AK5: variants seen among roughly 807,000 people sequenced by gnomAD.
AK5 encodes the protein adenylate kinase isoenzyme 5.
A neutral mutation model predicts 69.5 loss-of-function variants in AK5; 27 were observed. The ratio of observed to expected loss-of-function variants is 0.39; its 90% CI spans 0.29 to 0.54. AK5 has a LOEUF of 0.54. Among genes scored for constraint, AK5 ranks in the 20% least tolerant of loss-of-function variants. AK5 has a pLI of 0.71. For missense variants in AK5, 531 were observed against 700.4 expected (o/e 0.76, Z 2.73); for synonymous variants, 260 against 244.4 (o/e 1.06, Z -0.60).
At chr1:77,372,072 A>G (rs1647131859) in intron 6 of AK5, among the ~76,000 whole-genome samples, 2 of 152,220 alleles carry the variant, frequency 1.3e-5, no homozygotes, top group South Asian at 4.1e-4. Context: ...ATGTGCTGTT[A>G]GCATGTCCTT....
chr1:77,296,328 T>C (rs757587031), intron 3 of AK5, among the ~76,000 whole-genome samples: 1 of 152,110 alleles, frequency 6.6e-6, no homozygotes, highest in Non-Finnish European at 1.5e-5. Context: ...GTTTTAGAGA[T>C]AAGTGAACAG....
chr1:77,454,300 C>T (rs1448297772), intron 8 of AK5, among the ~76,000 whole-genome samples: 1 of 151,028 alleles, frequency 6.6e-6, no homozygotes, highest in African/African-American at 2.5e-5. Context: ...TGGCTCATTC[C>T]ACTCCCCTCA....
chr1:77,421,219 T>A (rs1000138164), intron 8 of AK5, among the ~76,000 whole-genome samples: 2 of 152,208 alleles, frequency 1.3e-5, no homozygotes, highest in African/African-American at 4.8e-5. Context: ...GTGTGCTTCA[T>A]ATTTATTACC....
At chr1:77,369,619 T>A (rs576444458) in intron 6 of AK5, among the ~76,000 whole-genome samples, 1 of 152,174 alleles carries the variant, frequency 6.6e-6, no homozygotes, top group South Asian at 2.1e-4. Flanking sequence ...CCTCTTTATA[T>A]AATCCGAAGA....
At chr1:77,384,177 C>T (rs1429328895) in intron 6 of AK5, among the ~76,000 whole-genome samples, 1 of 152,112 alleles carries the variant, frequency 6.6e-6, no homozygotes, top group African/African-American at 2.4e-5. Flanking sequence ...CTCAAACGTG[C>T]AGTACCACCT....
chr1:77,555,617 G>A (rs1047128018), intron 13 of AK5, among the ~76,000 whole-genome samples: 1 of 152,164 alleles, frequency 6.6e-6, no homozygotes, highest in Non-Finnish European at 1.5e-5. Context: ...TCATTGATAG[G>A]ATTACTTTGG....
chr1:77,408,742 A>G (rs1325014912), intron 6 of AK5, among the ~76,000 whole-genome samples: 1 of 151,880 alleles, frequency 6.6e-6, no homozygotes, highest in East Asian at 1.9e-4. Flanking sequence ...TTTGTTTGTC[A>G]TGTTATCTAT....
intron 1 of AK5, among the ~76,000 whole-genome samples, chr1:77,285,340 G>A (rs1157958946): frequency 6.6e-6 from 1 of 151,816 alleles, no homozygotes; most frequent in Non-Finnish European, 1.5e-5. Flanking sequence ...TTGGATGCCC[G>A]GGTAATTTTT....
Position 77,340,462 on chromosome 1 carries a change from G to A in AK5, c.785G>A (p.Gly262Asp). Residue 262 changes from glycine to aspartate, a missense_variant, in exon 6 of 14, where the codon GGC (glycine) becomes GAC (aspartate). Gly to Asp is a moderately conservative substitution (Grantham distance 94). Transcript: ENST00000354567. ...TTACTGAAGCGTGCAGAACAGCAGG[G>A]CCGACCAGACGACAATGTAAAAGCT... ...ERLLKRAEQQGRPDDNVKATQ... is the reference protein window; with the variant it reads ...ERLLKRAEQQDRPDDNVKATQ... 6.2e-7 allele frequency: 1 copy of A among 1,614,120 alleles called. No homozygotes were observed. Among genetic ancestry groups the A allele is most frequent in the Non-Finnish European group, 8.5e-7 (1 of 1,179,974 alleles).
chr1:77,305,692 T>A (rs575458260), intron 5 of AK5, among the ~76,000 whole-genome samples: 16 of 152,278 alleles, frequency 1.1e-4, no homozygotes, highest in African/African-American at 3.8e-4. Flanking sequence ...TTGTGTTTGA[T>A]TGGTCTATGT....
In AK5 at chr1:77,357,295, G is replaced by A. The variant is rs191614951; in HGVS notation, c.891+16727G>A. Among the ~76,000 whole-genome samples the A allele has an allele frequency of 5.3e-5, 8 of 152,236 alleles. 1 individual carries two copies. In the East Asian group the frequency reaches 1.5e-3, roughly 29 times the overall value. On this transcript the variant is annotated intron_variant, in intron 6 of 13. Transcript: ENST00000354567. Reference sequence around the variant, plus strand: ...CACAAAGACAAGGGTTTGAATTCTGGCAAGTCTCTTAATCTCTCTAAGATG... The same window carrying A: ...CACAAAGACAAGGGTTTGAATTCTGACAAGTCTCTTAATCTCTCTAAGATG...
At chr1:77,539,547 A>T (rs1167280321) in intron 13 of AK5, among the ~76,000 whole-genome samples, 2 of 152,096 alleles carry the variant, frequency 1.3e-5, no homozygotes, top group Admixed American at 1.3e-4. Context: ...GCATAGAAAC[A>T]GTGTGTGCTG....
chr1:77,381,883 G>A (rs1647659577), intron 6 of AK5, among the ~76,000 whole-genome samples: 3 of 152,176 alleles, frequency 2.0e-5, no homozygotes, highest in Admixed American at 6.5e-5. Flanking sequence ...AAGGATGCTA[G>A]ATAGCATTAA....
chr1:77,339,290 C>G (rs1661526374), intron 5 of AK5, among the ~76,000 whole-genome samples: 1 of 152,198 alleles, frequency 6.6e-6, no homozygotes, highest in South Asian at 2.1e-4. Context: ...TGCAAACTGT[C>G]TTTTTGCCTC....
intron 6 of AK5, among the ~76,000 whole-genome samples, chr1:77,375,253 T>TA (rs34374541): frequency 0.89 from 134,901 of 152,208 alleles, 59,836 homozygotes; most frequent in Non-Finnish European, 0.92. Context: ...ATCATCAACC[T>TA]AAGCAGGAAT....
intron 8 of AK5, among the ~76,000 whole-genome samples, chr1:77,455,872 G>T (rs1557605856): frequency 6.6e-6 from 1 of 152,190 alleles, no homozygotes; most frequent in Non-Finnish European, 1.5e-5. Context: ...GAGACCCACT[G>T]TAACTAGCTA....
chr1:77,328,009 G>T (rs1032866281), intron 5 of AK5, among the ~76,000 whole-genome samples: 1 of 152,106 alleles, frequency 6.6e-6, no homozygotes, highest in African/African-American at 2.4e-5. Flanking sequence ...AGCCCATCTA[G>T]TCTCAGTCTA....
rs552508489 is a variant in AK5, at chr1:77,375,374, G to A, written c.891+34806G>A. On this transcript the variant is annotated intron_variant, in intron 6 of 13. Coordinates refer to ENST00000354567, the MANE Select transcript of AK5 (RefSeq NM_174858.3). The stretch of plus-strand genomic sequence containing the variant: ...ATCAGAAAGAGTGTCACATTCTGCA[G>A]TAAATGCAGGAAAAGGACATCGGGG... 3.3e-5 allele frequency among the ~76,000 whole-genome samples: 5 copies of A among 152,224 alleles called. No homozygotes were observed. The East Asian group carries it at 5.8e-4, about 18-fold the overall frequency.
At chr1:77,382,980 A>C (rs571013868) in intron 6 of AK5, among the ~76,000 whole-genome samples, 1 of 152,336 alleles carries the variant, frequency 6.6e-6, no homozygotes, top group Admixed American at 6.5e-5. Context: ...CAAAGAGAAC[A>C]AATGAATATG....
Sources: allele counts gnomAD v4.1 joint callset (sites outside exome capture counted in the v4.1 genomes callset), GRCh38; gene constraint gnomAD v4.1.1; transcripts MANE v1.5; gene names NCBI Gene and HGNC (gene_info 2026-07-23, HGNC 2026-07-21).